LRRC4C: variants seen among roughly 807,000 people sequenced by gnomAD.
LRRC4C encodes the protein leucine-rich repeat-containing protein 4C.
In LRRC4C, 5 loss-of-function variants were observed where a neutral mutation model predicts 33.6. That is an observed-to-expected ratio of 0.15 (90% CI 0.08 to 0.31). The LOEUF is 0.31. LRRC4C is among the 10% of genes least tolerant of loss of function. LRRC4C has a pLI of 1.00. For synonymous variants in LRRC4C, 329 were observed against 302.0 expected, an observed-to-expected ratio of 1.09 and a Z score of -0.93; for missense variants, 560 against 796.7, an observed-to-expected ratio of 0.70 and a Z score of 3.58.
intron 3 of LRRC4C, among the ~76,000 whole-genome samples, chr11:40,429,527 T>C (rs1481104591): frequency 1.3e-5 from 2 of 151,380 alleles, no homozygotes; most frequent in Non-Finnish European, 2.9e-5. Flanking sequence ...TAAGGATTCA[T>C]CATGGATCTC....
At chr11:41,174,617 T>C (rs1044969687) in intron 1 of LRRC4C, among the ~76,000 whole-genome samples, 3 of 152,106 alleles carry the variant, frequency 2.0e-5, no homozygotes, top group Non-Finnish European at 4.4e-5. Flanking sequence ...TCATCATGTA[T>C]TTACCAGTTA....
At chr11:40,927,420 T>C (rs2136426884) in intron 2 of LRRC4C, among the ~76,000 whole-genome samples, 1 of 151,834 alleles carries the variant, frequency 6.6e-6, no homozygotes, top group South Asian at 2.1e-4. Flanking sequence ...TTATCAAACA[T>C]ATAGTCCTTA....
intron 1 of LRRC4C, among the ~76,000 whole-genome samples, chr11:41,152,328 T>C (rs1944035856): frequency 6.6e-6 from 1 of 152,220 alleles, no homozygotes; most frequent in South Asian, 2.1e-4. Flanking sequence ...AACTCAGAAT[T>C]AAACCCAGGC....
intron 1 of LRRC4C, among the ~76,000 whole-genome samples, chr11:41,267,848 C>G (rs1949200473): frequency 6.6e-6 from 1 of 152,020 alleles, no homozygotes; most frequent in Non-Finnish European, 1.5e-5. Flanking sequence ...AATGTAATGC[C>G]TGAAATGTAA....
At chr11:40,251,436 C>T (rs1274987649) in intron 4 of LRRC4C, among the ~76,000 whole-genome samples, 9 of 152,124 alleles carry the variant, frequency 5.9e-5, no homozygotes, top group African/African-American at 2.2e-4. Context: ...CACTCCTCCT[C>T]TAAATAGCTA....
chr11:41,286,430 A>C (rs1949830049), intron 1 of LRRC4C, among the ~76,000 whole-genome samples: 1 of 152,172 alleles, frequency 6.6e-6, no homozygotes, highest in Non-Finnish European at 1.5e-5. Flanking sequence ...ACAATTGAGC[A>C]CTAGAAAAAG....
At chr11:40,943,668 G>C (rs931026213) in intron 1 of LRRC4C, among the ~76,000 whole-genome samples, 7 of 152,116 alleles carry the variant, frequency 4.6e-5, no homozygotes, top group African/African-American at 1.7e-4. Flanking sequence ...AAGGGGAAGG[G>C]GTAAAAAATG....
intron 1 of LRRC4C, among the ~76,000 whole-genome samples, chr11:41,026,719 C>A (rs1462612530): frequency 6.6e-6 from 1 of 151,144 alleles, no homozygotes; most frequent in Non-Finnish European, 1.5e-5. Flanking sequence ...CAGCCATCGA[C>A]ATTGAGAAAA....
chr11:40,677,400 A>T (rs10837472), intron 2 of LRRC4C, among the ~76,000 whole-genome samples: 20,550 of 152,046 alleles, frequency 0.14, 1,719 homozygotes, highest in Non-Finnish European at 0.18. Context: ...CAAACAAAAC[A>T]AGACAAACAT....
intron 1 of LRRC4C, among the ~76,000 whole-genome samples, chr11:41,021,761 C>A (rs1051744755): frequency 6.6e-6 from 1 of 151,996 alleles, no homozygotes; most frequent in Admixed American, 6.6e-5. Context: ...ATGTGACTAA[C>A]CTCAGAAGTA....
At chr11:40,846,905 A>T (rs774473993) in intron 2 of LRRC4C, among the ~76,000 whole-genome samples, 1 of 152,070 alleles carries the variant, frequency 6.6e-6, no homozygotes. Flanking sequence ...TAGGTAATTT[A>T]TTCTCTTTGT....
intron 3 of LRRC4C, among the ~76,000 whole-genome samples, chr11:40,432,818 TGACC>T (rs1950987016): frequency 6.6e-6 from 1 of 152,218 alleles, no homozygotes. Flanking sequence ...CTCCAAACAA[TGACC>T]AACCCATAAA....
At chr11:40,332,019 T>C (rs1310298578) in intron 3 of LRRC4C, among the ~76,000 whole-genome samples, 1 of 152,238 alleles carries the variant, frequency 6.6e-6, no homozygotes, top group Non-Finnish European at 1.5e-5. Context: ...TGCCATAACA[T>C]GTAAATTAAC....
rs1413058735 is a variant in LRRC4C at position 41,087,113 on chromosome 11, T to G, written c.-495-153390A>C. ...TCATTACTGTCACAAACCGGAAATCTGGACATCACCCTTAACAGATTCCCT... is the reference window on the plus strand; with the variant it reads ...TCATTACTGTCACAAACCGGAAATCGGGACATCACCCTTAACAGATTCCCT... On this transcript the variant is annotated intron_variant, in intron 1 of 6. Transcript: ENST00000528697. Among the ~76,000 whole-genome samples, 38 of 152,176 alleles carry G rather than the reference T, an allele frequency of 2.5e-4. 1 individual carries two copies. The highest frequency in any genetic ancestry group is 2.5e-3 in the Admixed American group (38 of 15,260).
At chr11:41,050,036 A>G (rs1858089185) in intron 1 of LRRC4C, among the ~76,000 whole-genome samples, 1 of 152,188 alleles carries the variant, frequency 6.6e-6, no homozygotes, top group South Asian at 2.1e-4. Flanking sequence ...ATAGTATGAT[A>G]TAGGCTTATT....
chr11:40,636,710 G>A (rs1409782368), intron 3 of LRRC4C, among the ~76,000 whole-genome samples: 2 of 152,146 alleles, frequency 1.3e-5, no homozygotes, highest in Non-Finnish European at 1.5e-5. Flanking sequence ...ACTAGGCAGT[G>A]GAAATAAGAT....
At chr11:40,377,418 C>G (rs570227581) in intron 3 of LRRC4C, among the ~76,000 whole-genome samples, 2 of 152,228 alleles carry the variant, frequency 1.3e-5, no homozygotes, top group African/African-American at 4.8e-5. Context: ...ATTTTCCCCA[C>G]GCATGTGTGG....
chr11:40,953,916 G>T (rs1958833853), intron 1 of LRRC4C, among the ~76,000 whole-genome samples: 1 of 151,774 alleles, frequency 6.6e-6, no homozygotes, highest in Non-Finnish European at 1.5e-5. Context: ...TAGTGTACAT[G>T]ATATAATTCT....
At chr11:41,148,516 A>C (rs1033241332) in intron 1 of LRRC4C, among the ~76,000 whole-genome samples, 4 of 152,190 alleles carry the variant, frequency 2.6e-5, no homozygotes, top group Admixed American at 1.3e-4. Flanking sequence ...GTTAATCTTC[A>C]ATAGCCAGAA....
Sources: gnomAD v4.1 joint callset for allele counts (sites outside exome capture counted in the v4.1 genomes callset) on GRCh38, gnomAD v4.1.1 for gene constraint, MANE v1.5 for transcripts, NCBI Gene and HGNC (gene_info 2026-07-23, HGNC 2026-07-21) for gene names.